Variants in CATSPER3 observed in about 807,000 individuals in gnomAD.
CATSPER3 encodes the protein cation channel sperm associated 3.
In CATSPER3, 23 loss-of-function variants were observed where a neutral mutation model predicts 36.6. The ratio of observed to expected loss-of-function variants is 0.63; its 90% CI spans 0.45 to 0.89. The LOEUF (loss-of-function observed/expected upper bound fraction) is 0.89, where lower values mean the gene tolerates loss of function less well. Ranked by LOEUF, CATSPER3 falls within the 40% of genes least tolerant of loss-of-function variation. The probability of loss-of-function intolerance (pLI) is 0.00; values close to 1 mark genes in which losing one functional copy is unlikely to be tolerated. For missense variants in CATSPER3, 474 were observed against 503.9 expected (o/e 0.94, Z 0.57); for synonymous variants, 172 against 184.1 (o/e 0.93, Z 0.53).
intron 2 of CATSPER3, among the ~76,000 whole-genome samples, chr5:134,978,106 G>A (rs552020905): frequency 1.2e-4 from 18 of 152,288 alleles, no homozygotes; most frequent in South Asian, 4.1e-4. Context: ...GGGAGGAGAC[G>A]AACATCCAAA....
intron 2 of CATSPER3, among the ~76,000 whole-genome samples, chr5:134,972,019 G>GA (rs200262036): frequency 4.0e-5 from 6 of 151,222 alleles, no homozygotes; most frequent in South Asian, 2.1e-4. Context: ...TGTGTTTTTA[G>GA]AAAAAAAAGG....
At chr5:134,983,141 T>G (rs866109808) in intron 2 of CATSPER3, among the ~76,000 whole-genome samples, 1 of 152,022 alleles carries the variant, frequency 6.6e-6, no homozygotes, top group Non-Finnish European at 1.5e-5. Context: ...AATGGAGGAA[T>G]TGAGGAACAA....
chr5:134,987,826 A>C (rs1371830800), intron 2 of CATSPER3, among the ~76,000 whole-genome samples: 5 of 152,164 alleles, frequency 3.3e-5, no homozygotes, highest in African/African-American at 9.7e-5. Flanking sequence ...TTATGAAAAA[A>C]CCCACAGTTA....
At chr5:134,994,485 A>G (rs577418582) in intron 2 of CATSPER3, among the ~76,000 whole-genome samples, 24 of 152,366 alleles carry the variant, frequency 1.6e-4, no homozygotes, top group South Asian at 2.1e-4. Flanking sequence ...ACTTCAGAAA[A>G]CAATTTGCCA....
Position 134,969,714 on chromosome 5 carries a change from C to T in CATSPER3, c.99-225C>T. 5.4e-6 allele frequency: 3 copies of T among 554,942 alleles called. No individual in the cohort carries two copies. The South Asian group carries it at 6.1e-5, about 11-fold the overall frequency. 34.4% of individuals were successfully genotyped at this position (554,942 alleles called of 1,614,324 possible). ...GTGGTGACCATTCTTTTTCAGAGGT[C>T]CAGGGAGAGGGAGCTAAGTAACTGA... On this transcript the variant is annotated intron_variant, in intron 1 of 7. Coordinates refer to ENST00000282611, the MANE Select transcript of CATSPER3 (RefSeq NM_178019.3).
intron 3 of CATSPER3, among the ~76,000 whole-genome samples, chr5:134,997,185 G>A (rs1265635585): frequency 6.6e-6 from 1 of 152,220 alleles, no homozygotes; most frequent in South Asian, 2.1e-4. Context: ...GGGTTCCCGT[G>A]TTCAGTCGGG....
At chr5:134,998,820 T>C (rs1751984476) in intron 3 of CATSPER3, among the ~76,000 whole-genome samples, 1 of 152,232 alleles carries the variant, frequency 6.6e-6, no homozygotes, top group African/African-American at 2.4e-5. Flanking sequence ...ATTAGCCCTT[T>C]GTCAGATGGG....
At chr5:134,983,562 C>G (rs1458318151) in intron 2 of CATSPER3, among the ~76,000 whole-genome samples, 2 of 151,950 alleles carry the variant, frequency 1.3e-5, no homozygotes, top group African/African-American at 4.8e-5. Context: ...ACCAAAGATA[C>G]AAATAGGTTG....
intron 2 of CATSPER3, among the ~76,000 whole-genome samples, chr5:134,992,522 C>T (rs986926376): frequency 1.8e-4 from 28 of 152,050 alleles, no homozygotes; most frequent in African/African-American, 1.9e-4. Context: ...ATCAGGAGTT[C>T]GAGACCAGCT....
chr5:135,000,539 C>T (rs1355628367), intron 3 of CATSPER3, among the ~76,000 whole-genome samples: 5 of 152,198 alleles, frequency 3.3e-5, no homozygotes, highest in Admixed American at 6.5e-5. Context: ...GGCTGTGAAT[C>T]CATCTGGTCC....
At chr5:135,010,713 C>T (rs929324) in intron 7 of CATSPER3, among the ~76,000 whole-genome samples, 183 bp downstream of exon 7, 8,315 of 152,146 alleles carry the variant, frequency 0.055, 757 homozygotes, top group African/African-American at 0.19. Context: ...GCTGTGTGGA[C>T]GGGCCATGGC....
In CATSPER3 at chr5:134,996,528, G is replaced by A. The variant is rs758920525; in HGVS notation, c.492+16G>A. On this transcript the variant is annotated intron_variant, in intron 3 of 7. Coordinates refer to ENST00000282611, the MANE Select transcript of CATSPER3 (RefSeq NM_178019.3). ...GGGCATCCGGGTGAGTGCACTGGGG[G>A]TGTCATGGTGCTGGGAGGGCAGGCC... 1.2e-6 allele frequency: 2 copies of A among 1,613,118 alleles called. No homozygotes were observed. Among genetic ancestry groups the A allele is most frequent in the South Asian group, 1.1e-5 (1 of 91,056 alleles).
intron 3 of CATSPER3, among the ~76,000 whole-genome samples, chr5:135,006,516 G>A (rs1212521777): frequency 1.3e-5 from 2 of 151,802 alleles, no homozygotes; most frequent in East Asian, 3.9e-4. Flanking sequence ...TTCTGCCTCT[G>A]TTTAGTTGGG....
intron 2 of CATSPER3, among the ~76,000 whole-genome samples, chr5:134,974,577 A>T (rs1377227427): frequency 6.6e-6 from 1 of 152,140 alleles, no homozygotes; most frequent in Non-Finnish European, 1.5e-5. Context: ...ATATTTGTTC[A>T]TGTGGTTCTA....
chr5:134,968,716 A>G (rs559297874), intron 1 of CATSPER3: 137 of 152,166 alleles, frequency 9.0e-4, no homozygotes, highest in African/African-American at 3.2e-3. Context: ...GAAAAGGAAA[A>G]AGAAAAATAT....
chr5:134,981,344 T>A (rs1751748867), intron 2 of CATSPER3, among the ~76,000 whole-genome samples: 1 of 151,864 alleles, frequency 6.6e-6, no homozygotes, highest in African/African-American at 2.4e-5. Flanking sequence ...TACAAAAAAA[T>A]TAGCCAGGCA....
At position 134,996,414 on chromosome 5, in the gene CATSPER3, C is replaced by T. The variant is rs1415102459; in HGVS notation, c.394C>T (p.Arg132Cys). 7.4e-6 allele frequency: 12 copies of T among 1,614,022 alleles called. No homozygotes were observed. The highest frequency in any genetic ancestry group is 1.1e-5 in the South Asian group (1 of 91,088). ...CGTTATGTTTTTACCCTATGCCCTC[C>T]GCCAGCTCATGGGCAAACAGTTCAC... ...IIVMFLPYAL[R>C]QLMGKQFTYL... Residue 132 changes from arginine (R) to cysteine (C), a missense_variant, in exon 3 of 8, where the codon CGC becomes TGC. Coordinates refer to ENST00000282611, the MANE Select transcript of CATSPER3 (RefSeq NM_178019.3).
chr5:135,003,202 G>T (rs1414482268), intron 3 of CATSPER3, among the ~76,000 whole-genome samples: 4 of 152,216 alleles, frequency 2.6e-5, no homozygotes, highest in Non-Finnish European at 5.9e-5. Flanking sequence ...ATCTGTTGGA[G>T]TTTGCTGGAG....
At chr5:134,969,836 A>T in intron 1 of CATSPER3, 103 bp from the exon 2 acceptor site, 1 of 1,175,648 alleles carries the variant, frequency 8.5e-7, no homozygotes, top group Non-Finnish European at 1.3e-6. Context: ...TTATATTCAC[A>T]CAAGGGAGAA....
Sources: gnomAD v4.1 joint callset for allele counts (sites outside exome capture counted in the v4.1 genomes callset) on GRCh38, gnomAD v4.1.1 for gene constraint, MANE v1.5 for transcripts, NCBI Gene and HGNC (gene_info 2026-07-23, HGNC 2026-07-21) for gene names.